BEND3: variants seen among roughly 807,000 people sequenced by gnomAD.
BEND3 encodes BEN domain containing 3.
In BEND3, 13 loss-of-function variants were observed where a neutral mutation model predicts 60.1. The ratio of observed to expected loss-of-function variants is 0.22; its 90% CI spans 0.14 to 0.34. The LOEUF (loss-of-function observed/expected upper bound fraction) is 0.34, where lower values mean the gene tolerates loss of function less well. Among genes scored for constraint, BEND3 ranks in the 10% least tolerant of loss-of-function variants. The pLI is 1.00. For synonymous variants in BEND3, 497 were observed against 491.5 expected, an observed-to-expected ratio of 1.01 and a Z score of -0.15; for missense variants, 896 against 1,138.1, an observed-to-expected ratio of 0.79 and a Z score of 3.06.
At chr6:107,104,368 T>C (rs1775771068) in intron 1 of BEND3, among the ~76,000 whole-genome samples, 1 of 151,554 alleles carries the variant, frequency 6.6e-6, no homozygotes, top group African/African-American at 2.4e-5. Flanking sequence ...GGACACTTCA[T>C]CTTTTTAGTG....
Position 107,098,757 on chromosome 6 carries a change from T to C in BEND3, c.38-4A>G, listed in dbSNP as rs1554236383. The stretch of plus-strand genomic sequence containing the variant: ...TTCACAGTGATACTTTTTAGAACTG[T>C]GTCAGAGAAGAAATAGGGCTCAGTG... On this transcript the variant is annotated splice_polypyrimidine_tract_variant and splice_region_variant and intron_variant, in intron 2 of 3. Transcript: ENST00000369042. 3 of 1,613,360 alleles carry C rather than the reference T, an allele frequency of 1.9e-6. No individual in the cohort carries two copies. In the East Asian group the frequency reaches 6.7e-5, roughly 36 times the overall value.
chr6:107,105,271 T>C (rs1554237252), intron 1 of BEND3, among the ~76,000 whole-genome samples: 1 of 150,462 alleles, frequency 6.6e-6, no homozygotes. Context: ...CTCCGGAGGC[T>C]GAGGCAGGAG....
At chr6:107,110,903 C>T (rs1369301450) in intron 1 of BEND3, among the ~76,000 whole-genome samples, 1 of 151,946 alleles carries the variant, frequency 6.6e-6, no homozygotes, top group Non-Finnish European at 1.5e-5. Context: ...GTGGCTCACA[C>T]CTGCAATCCC....
At position 107,111,981 on chromosome 6, in the gene BEND3, CAAAAAAAAAA is replaced by C. The variant is rs57840795; in HGVS notation, c.-12+3099_-12+3108del. Among the ~76,000 whole-genome samples the C allele has an allele frequency of 5.6e-3, 818 of 145,180 alleles. 3 individuals are homozygous for C. Among genetic ancestry groups the C allele is most frequent in the Middle Eastern group, 0.01 (3 of 288 alleles). On this transcript the variant is annotated intron_variant, in intron 1 of 3. Transcript: ENST00000369042. ...TGGGCACCAGAGTGAGACTCCGTTTCAAAAAAAAAAAAAAAAAAAAAAAAATTAAGCACCA... is the reference window on the plus strand; with the variant it reads ...TGGGCACCAGAGTGAGACTCCGTTTCAAAAAAAAAAAAAAATTAAGCACCA...
chr6:107,107,421 CTTCT>C (rs1277058231), intron 1 of BEND3, among the ~76,000 whole-genome samples: 5 of 123,780 alleles, frequency 4.0e-5, no homozygotes, highest in Admixed American at 9.3e-5. Context: ...TATTATAAAG[CTTCT>C]TTTTTTTTTT....
At chr6:107,113,505 G>A (rs1770171681) in intron 1 of BEND3, among the ~76,000 whole-genome samples, 1 of 149,226 alleles carries the variant, frequency 6.7e-6, no homozygotes, top group African/African-American at 2.5e-5. Context: ...CAGATTTCAA[G>A]GGCCACACAG....
At chr6:107,114,775 C>A (rs1407216030) in intron 1 of BEND3, among the ~76,000 whole-genome samples, 1 of 146,256 alleles carries the variant, frequency 6.8e-6, no homozygotes, top group Non-Finnish European at 1.5e-5. Flanking sequence ...ACCGCGCGAA[C>A]CCCCCGCCCC....
rs146932536 is a variant in BEND3, at chr6:107,075,839, A to G, written c.241-4889T>C. Among the ~76,000 whole-genome samples, 741 of 152,288 alleles carry G rather than the reference A, an allele frequency of 4.9e-3. 7 individuals are homozygous for G. The highest frequency in any genetic ancestry group is 0.017 in the African/African-American group (715 of 41,546). Reference sequence around the variant, plus strand: ...TGAATTATTTGAATACCAACAACACACACAAGGTTTGACTCCCTCACATTC... The same window carrying G: ...TGAATTATTTGAATACCAACAACACGCACAAGGTTTGACTCCCTCACATTC... On this transcript the variant is annotated intron_variant, in intron 3 of 3. Coordinates refer to ENST00000369042, the MANE Select transcript of BEND3 (RefSeq NM_001367314.1).
At chr6:107,107,795 T>C (rs1263385340) in intron 1 of BEND3, among the ~76,000 whole-genome samples, 1 of 152,226 alleles carries the variant, frequency 6.6e-6, no homozygotes, top group African/African-American at 2.4e-5. Context: ...TTTTAAGAAC[T>C]GCAAATTAAA....
At chr6:107,095,987 C>T (rs1281003275) in intron 3 of BEND3, among the ~76,000 whole-genome samples, 3 of 152,172 alleles carry the variant, frequency 2.0e-5, no homozygotes, top group Non-Finnish European at 2.9e-5. Flanking sequence ...TCCAAACCCA[C>T]AGACTATACA....
At chr6:107,076,374 G>A (rs913422921) in intron 3 of BEND3, among the ~76,000 whole-genome samples, 1 of 152,158 alleles carries the variant, frequency 6.6e-6, no homozygotes, top group Admixed American at 6.5e-5. Flanking sequence ...CAATGCCAGC[G>A]TCTAGCCCGG....
rs1414588645 is a variant in BEND3, at chr6:107,066,227, C to T, written c.*2477G>A. On this transcript the variant is annotated 3_prime_UTR_variant, in exon 4 of 4. Coordinates refer to ENST00000369042, the MANE Select transcript of BEND3 (RefSeq NM_001367314.1). ...TTGAAAAAATAAGTATTTTGTACTT[C>T]TATTGCTTCATGTAAAAAATTTAAA... is the stretch of plus-strand genomic sequence containing the variant. The T allele has an allele frequency of 2.0e-5, 3 of 152,016 alleles. No homozygotes were observed. The highest frequency in any genetic ancestry group is 6.6e-5 in the Admixed American group (1 of 15,256). The allele number at this position is 152,016 out of a possible 1,614,324, so 9.4% of individuals were successfully genotyped here.
At chr6:107,104,511 C>T (rs1554237143) in intron 1 of BEND3, among the ~76,000 whole-genome samples, 1 of 151,976 alleles carries the variant, frequency 6.6e-6, no homozygotes. Context: ...ATGTTCAAGT[C>T]CCTGATAAAA....
rs533161952 is a variant in BEND3 at position 107,075,062 on chromosome 6, A to G, written c.241-4112T>C. 3.9e-5 allele frequency among the ~76,000 whole-genome samples: 6 copies of G among 151,928 alleles called. No homozygotes were observed. In the East Asian group the frequency reaches 9.7e-4, roughly 25 times the overall value. On this transcript the variant is annotated intron_variant, in intron 3 of 3. Transcript: ENST00000369042. The stretch of plus-strand genomic sequence containing the variant: ...GTGGCAGTGAGTGCCACTGCACTCC[A>G]GCCTGGGCAACAGAGCGTCTCAAAA...
intron 3 of BEND3, among the ~76,000 whole-genome samples, chr6:107,094,308 T>C (rs1562311002): frequency 6.6e-6 from 1 of 152,028 alleles, no homozygotes; most frequent in Non-Finnish European, 1.5e-5. Context: ...CCACATCATA[T>C]GTTGTCAGGG....
chr6:107,080,373 A>C (rs1444181600), intron 3 of BEND3, among the ~76,000 whole-genome samples: 150 of 140,520 alleles, frequency 1.1e-3, no homozygotes, highest in Non-Finnish European at 1.7e-3. Flanking sequence ...AAAAAAAAAA[A>C]AAAACAAAAA....
chr6:107,092,672 G>A (rs1775500810), intron 3 of BEND3, among the ~76,000 whole-genome samples: 1 of 151,146 alleles, frequency 6.6e-6, no homozygotes, highest in Non-Finnish European at 1.5e-5. Context: ...CTATCGCGAA[G>A]GAAAAAATAA....
At chr6:107,079,158 G>A (rs1407213490) in intron 3 of BEND3, among the ~76,000 whole-genome samples, 1 of 152,196 alleles carries the variant, frequency 6.6e-6, no homozygotes, top group African/African-American at 2.4e-5. Context: ...CGGGAGCACA[G>A]CATGATGACA....
chr6:107,070,633 A>G lies in BEND3; in HGVS notation c.558T>C (p.Thr186=). The G allele has an allele frequency of 6.2e-7, 1 of 1,612,194 alleles. No homozygotes were observed. Among genetic ancestry groups the G allele is most frequent in the Non-Finnish European group, 8.5e-7 (1 of 1,179,816 alleles). ...GGAAGTAGATGTTGGGGTCGTTGTC[A>G]GTGCCTGCCCCGGTGCTGCCACAGT... The part of the protein sequence containing the change: ...KRDCGSTGAG[T]DNDPNIYFLI... Residue 186 remains threonine, a synonymous_variant, in exon 4 of 4, where the codon ACT becomes ACC. Coordinates refer to ENST00000369042, the MANE Select transcript of BEND3 (RefSeq NM_001367314.1). The surrounding 1 kb of genome is among the most constrained non-coding windows in gnomAD (Gnocchi z 6.9).
Sources: gnomAD v4.1 joint callset for allele counts (sites outside exome capture counted in the v4.1 genomes callset) on GRCh38, gnomAD v4.1.1 for gene constraint, Gnocchi (gnomAD v3.1) non-coding constraint, MANE v1.5 for transcripts, NCBI Gene and HGNC (gene_info 2026-07-23, HGNC 2026-07-21) for gene names.